The following SSBP3 variants were observed in gnomAD, a reference collection of about 807,000 sequenced individuals.
The protein encoded by SSBP3 is single-stranded DNA-binding protein 3.
A neutral mutation model predicts 69.6 loss-of-function variants in SSBP3; 5 were observed. The ratio of observed to expected loss-of-function variants is 0.07; its 90% CI spans 0.04 to 0.15. SSBP3 has a LOEUF of 0.15. Ranked by LOEUF, SSBP3 falls within the 10% of genes least tolerant of loss-of-function variation. The pLI, the probability that SSBP3 is intolerant of heterozygous loss-of-function variation, is 1.00. For synonymous variants in SSBP3, 196 were observed against 193.4 expected, an observed-to-expected ratio of 1.01 and a Z score of -0.11; for missense variants, 312 against 534.0, an observed-to-expected ratio of 0.58 and a Z score of 4.10.
At chr1:54,331,153 C>T (rs943961398) in intron 4 of SSBP3, among the ~76,000 whole-genome samples, 4 of 152,200 alleles carry the variant, frequency 2.6e-5, no homozygotes, top group Non-Finnish European at 5.9e-5. Flanking sequence ...CCGCATGTAA[C>T]GTCCTCTATA....
chr1:54,406,050 G>GCCGCCGCCGCCA, exon 1 of SSBP3: 1 of 1,420,684 alleles, frequency 7.0e-7, no homozygotes, highest in Admixed American at 2.6e-5. Context: ...CGCCGCCGCC[G>GCCGCCGCCGCCA]CCGCCGCCGC....
chr1:54,394,745 C>G (rs1648741587), intron 4 of SSBP3, among the ~76,000 whole-genome samples: 1 of 147,478 alleles, frequency 6.8e-6, no homozygotes. Context: ...CTCTGTCCCC[C>G]ATGCTGGAGT....
chr1:54,251,141 G>A (rs980850683), intron 9 of SSBP3, among the ~76,000 whole-genome samples: 1 of 152,170 alleles, frequency 6.6e-6, no homozygotes, highest in Non-Finnish European at 1.5e-5. Context: ...GCCCACAGAG[G>A]TCAAAGTGAT....
chr1:54,249,372 G>A (rs1402595156), intron 9 of SSBP3, among the ~76,000 whole-genome samples: 8 of 152,274 alleles, frequency 5.3e-5, no homozygotes, highest in African/African-American at 9.6e-5. Flanking sequence ...CCTCCTTAGC[G>A]GGAGCACCCT....
intron 4 of SSBP3, among the ~76,000 whole-genome samples, chr1:54,298,930 AACACAC>A (rs10525954): frequency 3.6e-5 from 5 of 137,272 alleles, no homozygotes; most frequent in Non-Finnish European, 4.7e-5. Context: ...ACAAAAACAA[AACACAC>A]ACACACACAC....
intron 5 of SSBP3, among the ~76,000 whole-genome samples, chr1:54,261,283 T>C (rs1040317315): frequency 1.3e-5 from 2 of 152,196 alleles, no homozygotes; most frequent in Non-Finnish European, 2.9e-5. Flanking sequence ...CTGCCCTGTG[T>C]TTTATTAGGC....
chr1:54,256,220 C>T (rs1293390492), intron 7 of SSBP3, among the ~76,000 whole-genome samples: 2 of 152,200 alleles, frequency 1.3e-5, no homozygotes, highest in African/African-American at 2.4e-5. Context: ...GGTGACTAAA[C>T]TCCCAGTTCA....
At chr1:54,239,293 A>G (rs1029374971) in intron 13 of SSBP3, 94 bp from the exon 14 acceptor site, 1 of 1,010,614 alleles carries the variant, frequency 9.9e-7, no homozygotes, top group Non-Finnish European at 1.4e-6. Context: ...TTTGTATTTT[A>G]TAACCTAAAA....
At chr1:54,307,308 G>A (rs558820671) in intron 4 of SSBP3, among the ~76,000 whole-genome samples, 4 of 152,100 alleles carry the variant, frequency 2.6e-5, no homozygotes, top group African/African-American at 9.6e-5. Context: ...ACAGCTCCAG[G>A]TCACCTTCTC....
At chr1:54,352,980 C>T (rs929161617) in intron 4 of SSBP3, among the ~76,000 whole-genome samples, 3 of 152,302 alleles carry the variant, frequency 2.0e-5, no homozygotes, top group Middle Eastern at 3.4e-3. Flanking sequence ...ATGGCAAACC[C>T]GAGAACTGCA....
intron 5 of SSBP3, among the ~76,000 whole-genome samples, chr1:54,272,660 G>T (rs1452371791): frequency 6.6e-6 from 1 of 152,162 alleles, no homozygotes; most frequent in African/African-American, 2.4e-5. Context: ...AGGACCTCGT[G>T]GGGGCAGAGG....
chr1:54,401,979 C>T, intron 3 of SSBP3, 34 bp from the exon 4 acceptor site: 1 of 1,585,634 alleles, frequency 6.3e-7, no homozygotes, highest in African/African-American at 1.3e-5. Flanking sequence ...GGTCAGGTTA[C>T]TAATTATTAC....
chr1:54,342,218 C>T (rs1646621599), intron 4 of SSBP3, among the ~76,000 whole-genome samples: 2 of 152,264 alleles, frequency 1.3e-5, no homozygotes, highest in Non-Finnish European at 2.9e-5. Context: ...GCAAAGTGCC[C>T]TCCTCAAATG....
intron 4 of SSBP3, among the ~76,000 whole-genome samples, chr1:54,400,697 CT>C (rs1649233584): frequency 1.3e-5 from 2 of 152,366 alleles, no homozygotes; most frequent in Non-Finnish European, 2.9e-5. Context: ...ATTGAATATT[CT>C]CAAAACCAGT....
chr1:54,320,519 C>T (rs1039191808), intron 4 of SSBP3, among the ~76,000 whole-genome samples: 3 of 152,058 alleles, frequency 2.0e-5, no homozygotes, highest in Admixed American at 6.6e-5. Flanking sequence ...AGGTTTTCAC[C>T]GTGTTAGCAA....
intron 4 of SSBP3, among the ~76,000 whole-genome samples, chr1:54,342,771 A>G (rs1379597313): frequency 6.6e-6 from 1 of 152,182 alleles, no homozygotes; most frequent in Non-Finnish European, 1.5e-5. Context: ...ATGTGAGGTC[A>G]TGCGGAAAGG....
At chr1:54,349,093 A>G (rs1646739061) in intron 4 of SSBP3, among the ~76,000 whole-genome samples, 1 of 152,240 alleles carries the variant, frequency 6.6e-6, no homozygotes, top group Admixed American at 6.5e-5. Flanking sequence ...CTGTCTGAAC[A>G]AAGCTCTTCT....
rs1054812658 is a variant in SSBP3, at chr1:54,280,758, T to A, written c.366+680A>T. On this transcript the variant is annotated intron_variant, in intron 5 of 17. Transcript: ENST00000610401. ...GAGAGGGTGGCAGCCGCGCCCAACC[T>A]GGCAAAACAGAAAGCCCAATTTCAC... 5.9e-5 allele frequency among the ~76,000 whole-genome samples: 9 copies of A among 152,256 alleles called. No individual in the cohort carries two copies. The East Asian group carries it at 1.7e-3, about 29-fold the overall frequency.
At chr1:54,250,780 A>G (rs1644814919) in intron 9 of SSBP3, among the ~76,000 whole-genome samples, 1 of 152,178 alleles carries the variant, frequency 6.6e-6, no homozygotes, top group Non-Finnish European at 1.5e-5. Context: ...CACGGCTACT[A>G]TAGGAAACAG....
Sources: allele counts gnomAD v4.1 joint callset (sites outside exome capture counted in the v4.1 genomes callset), GRCh38; gene constraint gnomAD v4.1.1; transcripts MANE v1.5; gene names NCBI Gene and HGNC (gene_info 2026-07-23, HGNC 2026-07-21).